Variants in TG observed in about 807,000 individuals in gnomAD.
TG encodes thyroglobulin.
A neutral mutation model predicts 324.7 loss-of-function variants in TG; 270 were observed. That is an observed-to-expected ratio of 0.83 (90% CI 0.75 to 0.92). The LOEUF (loss-of-function observed/expected upper bound fraction) is 0.92. Ranked by LOEUF, TG falls within the 40% of genes least tolerant of loss-of-function variation. The pLI is 0.00. For synonymous variants in TG, 1,401 were observed against 1,327.0 expected (o/e 1.06, Z -1.21); for missense variants, 3,591 against 3,456.4 (o/e 1.04, Z -0.98).
intron 27 of TG, among the ~76,000 whole-genome samples, chr8:132,951,862 C>T (rs530385480): frequency 6.6e-6 from 1 of 152,212 alleles, no homozygotes; most frequent in South Asian, 2.1e-4. Flanking sequence ...CTAACTACAG[C>T]GTGAAGAACT....
intron 34 of TG, among the ~76,000 whole-genome samples, chr8:132,982,571 T>G (rs544668706): frequency 6.6e-6 from 1 of 152,358 alleles, no homozygotes; most frequent in South Asian, 2.1e-4. Flanking sequence ...AGTGGTCTGA[T>G]GAGGTCCATA....
chr8:132,940,644 G>A (rs970998379), intron 25 of TG, among the ~76,000 whole-genome samples: 2 of 152,222 alleles, frequency 1.3e-5, no homozygotes, highest in Admixed American at 1.3e-4. Context: ...ATGGAGACAA[G>A]GGCTGCTTGC....
In TG at chr8:132,886,525, C is replaced by G; in HGVS notation, c.1153C>G (p.Gln385Glu). ...LYFGTSGYFSQHDLFSSPEKR... is the reference protein window; with the variant it reads ...LYFGTSGYFSEHDLFSSPEKR... ...CTTTGGGACCTCAGGCTACTTCAGC[C>G]AGCACGACCTGTTCTCTTCCCCAGA... The change falls in exon 9 of 48, where the codon CAG becomes GAG. Residue 385 changes from glutamine (Q) to glutamate (E), a missense_variant. Physicochemically the swap from Gln to Glu is conservative, Grantham distance 29. Transcript: ENST00000220616. 6.2e-7 allele frequency: 1 copy of G among 1,614,170 alleles called. No homozygotes were observed. Among genetic ancestry groups the G allele is most frequent in the Non-Finnish European group, 8.5e-7 (1 of 1,180,028 alleles).
At chr8:133,107,982 C>CTTTTCCTCT (rs1554725841) in intron 43 of TG, among the ~76,000 whole-genome samples, 8,539 of 133,988 alleles carry the variant, frequency 0.064, 941 homozygotes, top group African/African-American at 0.21. Context: ...TTCTTTTCTT[C>CTTTTCCTCT]TTTTTTTTTT....
intron 40 of TG, among the ~76,000 whole-genome samples, chr8:133,025,409 T>A (rs1835980083): frequency 6.6e-6 from 1 of 152,206 alleles, no homozygotes; most frequent in Admixed American, 6.5e-5. Flanking sequence ...ATTTTTTAAA[T>A]AATAGATTTT....
chr8:132,993,976 C>G (rs1832631644), intron 35 of TG, among the ~76,000 whole-genome samples: 1 of 152,304 alleles, frequency 6.6e-6, no homozygotes, highest in Admixed American at 6.5e-5. Context: ...TCAAAAATGA[C>G]CTCAATCAAA....
chr8:133,006,080 G>C (rs868070669), intron 35 of TG, among the ~76,000 whole-genome samples: 20 of 152,310 alleles, frequency 1.3e-4, no homozygotes, highest in Middle Eastern at 3.4e-3. Context: ...TCTACAGAGA[G>C]ACATTATGCT....
chr8:133,115,754 G>T (rs1850629540), intron 44 of TG, among the ~76,000 whole-genome samples: 1 of 152,188 alleles, frequency 6.6e-6, no homozygotes, highest in Non-Finnish European at 1.5e-5. Context: ...GGTCAGCCAG[G>T]GTCTGTCTGA....
At chr8:133,058,239 T>C (rs1841820060) in intron 41 of TG, among the ~76,000 whole-genome samples, 2 of 152,106 alleles carry the variant, frequency 1.3e-5, no homozygotes, top group Non-Finnish European at 2.9e-5. Flanking sequence ...GGGGGAACGT[T>C]TCAGGGCTGG....
chr8:132,948,878 G>A lies in TG; in HGVS notation c.5336G>A (p.Gly1779Asp). Residue 1779 changes from glycine (G) to aspartate (D), a missense_variant, in exon 27 of 48, where the codon GGT (glycine) becomes GAT (aspartate). Gly to Asp is a moderately conservative substitution (Grantham distance 94). Coordinates refer to ENST00000220616, the MANE Select transcript of TG (RefSeq NM_003235.5). ...SEAWANATCP[G>D]VTYDQESHQV... ...GCCTGGGCTAATGCTACATGTCCTG[G>A]TGTGACATATGACCAGGAGAGCCAC... 2 of 1,614,038 alleles carry A rather than the reference G, an allele frequency of 1.2e-6. No homozygotes were observed. Among genetic ancestry groups the A allele is most frequent in the Non-Finnish European group, 1.7e-6 (2 of 1,180,006 alleles).
At chr8:132,883,096 C>A in intron 8 of TG, 97 bp downstream of exon 8, 1 of 1,361,100 alleles carries the variant, frequency 7.3e-7, no homozygotes, top group Non-Finnish European at 1.0e-6. Flanking sequence ...ATTCAACTGC[C>A]TTCTAGTGTG....
At chr8:133,014,127 A>C (rs1834811658) in intron 37 of TG, among the ~76,000 whole-genome samples, 1 of 152,210 alleles carries the variant, frequency 6.6e-6, no homozygotes, top group African/African-American at 2.4e-5. Flanking sequence ...TCCCTGTCTT[A>C]GAAATCAGAA....
chr8:132,893,890 C>A lies in TG; in HGVS notation c.2962C>A (p.Arg988Ser), dbSNP rs750196077. 1.9e-5 allele frequency: 31 copies of A among 1,613,938 alleles called. No homozygotes were observed. The highest frequency in any genetic ancestry group is 2.5e-5 in the Non-Finnish European group (30 of 1,179,972). ...PREAFAEQFL[R>S]GSDYAIRLAA... The stretch of plus-strand genomic sequence containing the variant: ...GGAGGCTTTCGCGGAGCAGTTTCTG[C>A]GTGGGAGTGATTACGCCATTCGCCT... The change falls in exon 11 of 48, where the codon CGT becomes AGT. Residue 988 changes from arginine (R) to serine (S), a missense_variant. By Grantham distance (110) the Arg-to-Ser change is moderately radical (BLOSUM62 -1). Coordinates refer to ENST00000220616, the MANE Select transcript of TG (RefSeq NM_003235.5).
intron 15 of TG, 129 bp downstream of exon 15, chr8:132,900,468 C>A: frequency 1.2e-6 from 1 of 817,228 alleles, no homozygotes; most frequent in Non-Finnish European, 2.0e-6. Flanking sequence ...CTGCTGACCT[C>A]ACTATGCCTC....
At chr8:132,992,531 G>A (rs1042884761) in intron 35 of TG, among the ~76,000 whole-genome samples, 1 of 152,190 alleles carries the variant, frequency 6.6e-6, no homozygotes, top group Admixed American at 6.5e-5. Flanking sequence ...GTTGGTGCTG[G>A]AGAGCCTGCA....
At chr8:132,943,092 A>G (rs368316900) in intron 26 of TG, among the ~76,000 whole-genome samples, 1 of 152,130 alleles carries the variant, frequency 6.6e-6, no homozygotes, top group Admixed American at 6.5e-5. Context: ...CCTCCTGGGT[A>G]TAAGAGCCCC....
intron 5 of TG, among the ~76,000 whole-genome samples, chr8:132,873,790 A>C (rs1190467587): frequency 1.3e-5 from 2 of 152,212 alleles, no homozygotes; most frequent in African/African-American, 2.4e-5. Context: ...ATATAAGACT[A>C]TGTGAGCACA....
chr8:133,086,139 G>A (rs1240793207), intron 41 of TG, among the ~76,000 whole-genome samples: 1 of 152,218 alleles, frequency 6.6e-6, no homozygotes, highest in African/African-American at 2.4e-5. Flanking sequence ...TATATGAAAT[G>A]TCCAGAATAG....
chr8:133,120,604 G>A (rs968675590), intron 45 of TG, among the ~76,000 whole-genome samples: 9 of 152,118 alleles, frequency 5.9e-5, no homozygotes, highest in African/African-American at 2.2e-4. Context: ...TTCTTCGTCC[G>A]GTATTTCTTT....
Sources: gnomAD v4.1 joint callset for allele counts (sites outside exome capture counted in the v4.1 genomes callset) on GRCh38, gnomAD v4.1.1 for gene constraint, MANE v1.5 for transcripts, NCBI Gene and HGNC (gene_info 2026-07-23, HGNC 2026-07-21) for gene names.